The following CENPP variants were observed in gnomAD, a reference collection of about 807,000 sequenced individuals.
CENPP encodes the protein centromere protein P.
A neutral mutation model predicts 35.6 loss-of-function variants in CENPP; 24 were observed. The ratio of observed to expected loss-of-function variants is 0.67; its 90% CI spans 0.49 to 0.95. The LOEUF is 0.95. Among genes scored for constraint, CENPP ranks in the 40% least tolerant of loss-of-function variants. CENPP has a pLI of 0.00. For missense variants in CENPP, 332 were observed against 345.3 expected (o/e 0.96, Z 0.31); for synonymous variants, 120 against 125.5 (o/e 0.96, Z 0.29).
chr9:92,383,928 T>C (rs1178949987), intron 5 of CENPP: 4 of 152,196 alleles, frequency 2.6e-5, no homozygotes, highest in African/African-American at 9.6e-5. Flanking sequence ...AAGATTATGA[T>C]AGTTTAAAGA....
chr9:92,361,511 GCT>G (rs1170417589), intron 4 of CENPP, among the ~76,000 whole-genome samples: 2 of 138,878 alleles, frequency 1.4e-5, no homozygotes, highest in African/African-American at 5.3e-5. Context: ...ATGGAGTCTT[GCT>G]CTGTCACCCA....
At chr9:92,544,390 C>A (rs1300007714) in intron 5 of CENPP, among the ~76,000 whole-genome samples, 1 of 152,158 alleles carries the variant, frequency 6.6e-6, no homozygotes, top group Non-Finnish European at 1.5e-5. Flanking sequence ...GCACGAGAAT[C>A]GCTTGAATCT....
chr9:92,527,226 G>A (rs773907505), intron 5 of CENPP, among the ~76,000 whole-genome samples: 11 of 152,084 alleles, frequency 7.2e-5, no homozygotes, highest in Non-Finnish European at 1.6e-4. Flanking sequence ...GCCCAGGCAG[G>A]TCTCAAACTC....
At chr9:92,575,492 T>G (rs1332276061) in intron 5 of CENPP, among the ~76,000 whole-genome samples, 4 of 152,098 alleles carry the variant, frequency 2.6e-5, no homozygotes, top group African/African-American at 9.7e-5. Flanking sequence ...TAAAATACAG[T>G]GAGATACCAC....
intron 5 of CENPP, among the ~76,000 whole-genome samples, chr9:92,609,102 A>T (rs1191233699): frequency 6.6e-6 from 1 of 152,200 alleles, no homozygotes; most frequent in Non-Finnish European, 1.5e-5. Flanking sequence ...AAATCAACCA[A>T]CACTTTCCAC....
chr9:92,462,168 GGGTTTTA>G (rs1845140650), intron 5 of CENPP, among the ~76,000 whole-genome samples: 1 of 152,060 alleles, frequency 6.6e-6, no homozygotes, highest in Non-Finnish European at 1.5e-5. Context: ...GATAGACATG[GGGTTTTA>G]CCATATTGGC....
chr9:92,393,150 T>G (rs1444352984), intron 5 of CENPP: 1 of 1,613,884 alleles, frequency 6.2e-7, no homozygotes, highest in East Asian at 2.2e-5. Flanking sequence ...AAAGATAGGC[T>G]GATTCCTTTG....
intron 5 of CENPP, among the ~76,000 whole-genome samples, chr9:92,516,266 T>C (rs1425492582): frequency 6.6e-6 from 1 of 152,096 alleles, no homozygotes; most frequent in East Asian, 1.9e-4. Flanking sequence ...GGTTTCACCA[T>C]GTTGACCAGG....
chr9:92,493,418 C>T (rs1738570539), intron 5 of CENPP: 1 of 152,160 alleles, frequency 6.6e-6, no homozygotes, highest in African/African-American at 2.4e-5. Flanking sequence ...TTTCATTATA[C>T]CAGGTTCTGT....
At chr9:92,394,372 A>G (rs2130906916) in intron 5 of CENPP, among the ~76,000 whole-genome samples, 1 of 150,326 alleles carries the variant, frequency 6.7e-6, no homozygotes, top group African/African-American at 2.4e-5. Flanking sequence ...CCTCCTGAGT[A>G]GCTGGGATTA....
At chr9:92,396,839 T>C (rs1308873711) in intron 5 of CENPP, among the ~76,000 whole-genome samples, 1 of 152,080 alleles carries the variant, frequency 6.6e-6, no homozygotes, top group Non-Finnish European at 1.5e-5. Context: ...CATAAACATC[T>C]TTTATATCTA....
At chr9:92,452,968 C>T (rs996125484) in intron 5 of CENPP, among the ~76,000 whole-genome samples, 27 of 151,992 alleles carry the variant, frequency 1.8e-4, no homozygotes, top group Non-Finnish European at 2.2e-4. Context: ...TTTTTTATTG[C>T]GTCTATTTGA....
At chr9:92,354,739 G>A (rs1242974614) in intron 4 of CENPP, among the ~76,000 whole-genome samples, 1 of 152,126 alleles carries the variant, frequency 6.6e-6, no homozygotes, top group Non-Finnish European at 1.5e-5. Context: ...TCCCCTATTG[G>A]GGGAACCCAC....
chr9:92,430,556 A>G (rs1326595190), intron 5 of CENPP, among the ~76,000 whole-genome samples: 2 of 151,820 alleles, frequency 1.3e-5, no homozygotes, highest in African/African-American at 4.8e-5. Context: ...GGGTTTCATC[A>G]TGTTGACCAC....
At chr9:92,590,582 A>C (rs1056977377) in intron 5 of CENPP, among the ~76,000 whole-genome samples, 1 of 152,220 alleles carries the variant, frequency 6.6e-6, no homozygotes, top group Non-Finnish European at 1.5e-5. Flanking sequence ...AAAGTTAGAC[A>C]GTTGTTATGC....
intron 5 of CENPP, among the ~76,000 whole-genome samples, chr9:92,380,072 A>G (rs1408095402): frequency 6.6e-6 from 1 of 152,254 alleles, no homozygotes; most frequent in Admixed American, 6.5e-5. Context: ...TCTTGAAAGA[A>G]GTGTGGTTAT....
chr9:92,471,798 C>G (rs1845529216), intron 5 of CENPP, among the ~76,000 whole-genome samples: 1 of 151,936 alleles, frequency 6.6e-6, no homozygotes, highest in East Asian at 2.0e-4. Context: ...TCCCGAGTAG[C>G]TAGGATGTGT....
chr9:92,588,998 C>T (rs1217042491), intron 5 of CENPP, among the ~76,000 whole-genome samples: 1 of 151,978 alleles, frequency 6.6e-6, no homozygotes, highest in Non-Finnish European at 1.5e-5. Flanking sequence ...GCTTAATATG[C>T]AAATGTATCA....
chr9:92,339,938 G>T (rs1297667186), intron 3 of CENPP: 1 of 153,744 alleles, frequency 6.5e-6, no homozygotes, highest in Non-Finnish European at 1.5e-5. Context: ...TGACCTGAGA[G>T]TGGTAATCTA....
Sources: gnomAD v4.1 joint callset for allele counts (sites outside exome capture counted in the v4.1 genomes callset) on GRCh38, gnomAD v4.1.1 for gene constraint, MANE v1.5 for transcripts, NCBI Gene and HGNC (gene_info 2026-07-23, HGNC 2026-07-21) for gene names.